STXBP3: variants seen among roughly 807,000 people sequenced by gnomAD.
STXBP3 encodes syntaxin-binding protein 3.
A neutral mutation model predicts 85.7 loss-of-function variants in STXBP3; 41 were observed. That is an observed-to-expected ratio of 0.48 (90% CI 0.37 to 0.62). The LOEUF is 0.62. Among genes scored for constraint, STXBP3 ranks in the 20% least tolerant of loss-of-function variants. The pLI, the probability that STXBP3 is intolerant of heterozygous loss-of-function variation, is 0.00. For synonymous variants in STXBP3, 229 were observed against 231.7 expected (o/e 0.99, Z 0.10); for missense variants, 563 against 703.1 (o/e 0.80, Z 2.25).
chr1:108,798,357 A>G, intron 16 of STXBP3, 120 bp downstream of exon 16: 2 of 447,308 alleles, frequency 4.5e-6, no homozygotes, highest in Non-Finnish European at 3.8e-6. Context: ...CAGTGGTTGG[A>G]GGCTTCACAA....
In STXBP3 at chr1:108,782,656, C is replaced by G; in HGVS notation, c.913C>G (p.Pro305Ala). 6.2e-7 allele frequency: 1 copy of G among 1,608,472 alleles called. No individual in the cohort carries two copies. The highest frequency in any genetic ancestry group is 2.2e-5 in the East Asian group (1 of 44,700). Residue 305 changes from proline to alanine, a missense_variant, in exon 11 of 19, where the codon CCC (proline) becomes GCC (alanine). Pro to Ala is a conservative substitution (Grantham distance 27, BLOSUM62 -1). Coordinates refer to ENST00000370008, the MANE Select transcript of STXBP3 (RefSeq NM_007269.4). The stretch of plus-strand genomic sequence containing the variant: ...TCTCTCACAATTTGACAGGGAAATT[C>G]CCAAGCTTATGAAAGAAATTTCATC... ...RHIAVVLEEI[P>A]KLMKEISSTK...
chr1:108,753,642 T>TA (rs1275261469), intron 3 of STXBP3, among the ~76,000 whole-genome samples: 9 of 152,122 alleles, frequency 5.9e-5, no homozygotes, highest in Non-Finnish European at 2.9e-5. Context: ...TTGAAATACT[T>TA]ACAGATTCTG....
intron 11 of STXBP3, among the ~76,000 whole-genome samples, chr1:108,787,868 C>T (rs1662892589): frequency 6.6e-6 from 1 of 152,012 alleles, no homozygotes; most frequent in South Asian, 2.1e-4. Context: ...CAACTCACTG[C>T]AGCCTCAACC....
rs372437188 is a variant in STXBP3, at chr1:108,777,510, G to A, written c.684+1087G>A. On this transcript the variant is annotated intron_variant, in intron 8 of 18. Coordinates refer to ENST00000370008, the MANE Select transcript of STXBP3 (RefSeq NM_007269.4). ...GTTTTTGGTTTAGAGGCCTGGTGAA[G>A]GCTGTTATTCTGGTTGTAGTTTTGA... is the stretch of plus-strand genomic sequence containing the variant. Among the ~76,000 whole-genome samples, 10 of 152,240 alleles carry A rather than the reference G, an allele frequency of 6.6e-5. No individual in the cohort carries two copies. In the South Asian group the frequency reaches 1.9e-3, roughly 28 times the overall value.
chr1:108,782,954 G>A (rs969403123), intron 11 of STXBP3, among the ~76,000 whole-genome samples: 1 of 152,146 alleles, frequency 6.6e-6, no homozygotes, highest in African/African-American at 2.4e-5. Flanking sequence ...GCAGGCTGGA[G>A]TGCAGTTGCG....
At chr1:108,764,652 T>G (rs1360519708) in intron 6 of STXBP3, among the ~76,000 whole-genome samples, 1 of 152,220 alleles carries the variant, frequency 6.6e-6, no homozygotes, top group African/African-American at 2.4e-5. Context: ...TGATCAGTGA[T>G]TTGAGCCATT....
At chr1:108,778,466 C>T (rs1311111369) in intron 8 of STXBP3, among the ~76,000 whole-genome samples, 2 of 152,116 alleles carry the variant, frequency 1.3e-5, no homozygotes, top group African/African-American at 4.8e-5. Flanking sequence ...GATAAGAGCA[C>T]AGATGTTGGA....
intron 11 of STXBP3, among the ~76,000 whole-genome samples, chr1:108,786,090 C>T (rs1447985293): frequency 6.6e-6 from 1 of 152,182 alleles, no homozygotes; most frequent in Non-Finnish European, 1.5e-5. Context: ...GGTACCAAAA[C>T]TGTATTAGTC....
At chr1:108,753,404 CATATAT>C (rs3051072) in intron 3 of STXBP3, among the ~76,000 whole-genome samples, 1 of 150,136 alleles carries the variant, frequency 6.7e-6, no homozygotes, top group Non-Finnish European at 1.5e-5. Flanking sequence ...CTCATATATA[CATATAT>C]ATATATAAAA....
At position 108,776,338 on chromosome 1, in the gene STXBP3, C is replaced by A; in HGVS notation, c.599C>A (p.Pro200His). 6.2e-7 allele frequency: 1 copy of A among 1,602,498 alleles called. No homozygotes were observed. Among genetic ancestry groups the A allele is most frequent in the South Asian group, 1.1e-5 (1 of 89,834 alleles). ...ATCCTTTTTTCCATTTCTAGTAAACCTCTAGATAATGCCAGTAAGCTTGCA... is the reference window on the plus strand; with the variant it reads ...ATCCTTTTTTCCATTTCTAGTAAACATCTAGATAATGCCAGTAAGCTTGCA... Reference protein sequence around the residue: ...ENPGVRYKSKPLDNASKLAQL... With the variant: ...ENPGVRYKSKHLDNASKLAQL... Residue 200 changes from proline (P) to histidine (H), a missense_variant, in exon 8 of 19, where the codon CCT (proline) becomes CAT (histidine). Around this residue, in one of 3 missense-constraint regions of STXBP3, gnomAD observed 494 missense variants for 592.8 expected, o/e 0.83. Transcript: ENST00000370008.
At chr1:108,805,666 G>A (rs1472821083) in intron 17 of STXBP3, among the ~76,000 whole-genome samples, 4 of 152,146 alleles carry the variant, frequency 2.6e-5, no homozygotes, top group African/African-American at 4.8e-5. Flanking sequence ...TTCATGATCC[G>A]CCCACCTCGG....
At chr1:108,787,925 A>C (rs1662893783) in intron 11 of STXBP3, among the ~76,000 whole-genome samples, 1 of 151,794 alleles carries the variant, frequency 6.6e-6, no homozygotes, top group African/African-American at 2.4e-5. Context: ...AAGCAGCTGG[A>C]ATTACAGGTG....
intron 6 of STXBP3, among the ~76,000 whole-genome samples, chr1:108,771,136 C>T (rs1410660075): frequency 6.6e-6 from 1 of 151,252 alleles, no homozygotes; most frequent in Non-Finnish European, 1.5e-5. Flanking sequence ...TCATCTGTTG[C>T]ACTGGTAGTA....
In STXBP3 at chr1:108,768,399, T is replaced by C. The variant is rs145342370; in HGVS notation, c.439-4266T>C. On this transcript the variant is annotated intron_variant, in intron 6 of 18. Transcript: ENST00000370008. ...ACAGGAATGAGCCACTGCACCAGCATTGAGAGAGGCTAATTCTTACTGGGA... is the reference window on the plus strand; with the variant it reads ...ACAGGAATGAGCCACTGCACCAGCACTGAGAGAGGCTAATTCTTACTGGGA... Among the ~76,000 whole-genome samples the C allele has an allele frequency of 3.9e-5, 6 of 152,172 alleles. No individual in the cohort carries two copies. The East Asian group carries it at 1.2e-3, about 29-fold the overall frequency.
In STXBP3 at chr1:108,746,691, A is replaced by G. The variant is rs1661785343; in HGVS notation, c.-47A>G. 1.9e-6 allele frequency: 3 copies of G among 1,546,684 alleles called. No individual in the cohort carries two copies. Among genetic ancestry groups the G allele is most frequent in the African/African-American group, 1.4e-5 (1 of 72,748 alleles). The stretch of plus-strand genomic sequence containing the variant: ...CCAACGCCGCTTCTGCGGCCAAAGT[A>G]GGTTGGGAGTGGAAGGTGGTGGCTG... On this transcript the variant is annotated 5_prime_UTR_variant, in exon 1 of 19. Transcript: ENST00000370008.
Position 108,796,227 on chromosome 1 carries a change from C to A in STXBP3, c.1111-7C>A. 4 of 1,596,774 alleles carry A rather than the reference C, an allele frequency of 2.5e-6. No homozygotes were observed. The highest frequency in any genetic ancestry group is 2.2e-5 in the East Asian group (1 of 44,762). On this transcript the variant is annotated splice_region_variant and splice_polypyrimidine_tract_variant and intron_variant, in intron 13 of 18. Coordinates refer to ENST00000370008, the MANE Select transcript of STXBP3 (RefSeq NM_007269.4). Reference sequence around the variant, plus strand: ...TAGATCACTGACAATATTTTATTTTCATTAAGGACCTGGCACTTGGAACTG... The same window carrying A: ...TAGATCACTGACAATATTTTATTTTAATTAAGGACCTGGCACTTGGAACTG...
At chr1:108,767,086 G>A (rs149103806) in intron 6 of STXBP3, 443 of 344,250 alleles carry the variant, frequency 1.3e-3, no homozygotes, top group African/African-American at 9.3e-3. Context: ...AATATGGAAG[G>A]TGCTGGCTTC....
At chr1:108,755,785 A>G (rs980418801) in intron 3 of STXBP3, among the ~76,000 whole-genome samples, 7 of 152,332 alleles carry the variant, frequency 4.6e-5, no homozygotes, top group Non-Finnish European at 1.0e-4. Context: ...TAAAACTATA[A>G]TAGTTGAGAA....
intron 6 of STXBP3, among the ~76,000 whole-genome samples, chr1:108,761,281 G>A (rs1002682923): frequency 2.6e-5 from 4 of 151,934 alleles, no homozygotes; most frequent in Non-Finnish European, 4.4e-5. Context: ...ACATTAAACT[G>A]TTTTCCAAAA....
Sources: allele counts gnomAD v4.1 joint callset (sites outside exome capture counted in the v4.1 genomes callset), GRCh38; gene constraint gnomAD v4.1.1; regional missense constraint gnomAD v4.1.1; transcripts MANE v1.5; gene names NCBI Gene and HGNC (gene_info 2026-07-23, HGNC 2026-07-21).